Variants in PJA2 observed in about 807,000 individuals in gnomAD.
PJA2 encodes the protein E3 ubiquitin-protein ligase Praja-2.
A neutral mutation model predicts 69.3 loss-of-function variants in PJA2; 25 were observed. That is an observed-to-expected ratio of 0.36 (90% CI 0.26 to 0.50). The LOEUF is 0.50. PJA2 is among the 20% of genes least tolerant of loss of function. PJA2 has a pLI of 0.96. For synonymous variants in PJA2, 308 were observed against 277.8 expected (o/e 1.11, Z -1.08); for missense variants, 809 against 830.2 (o/e 0.97, Z 0.31).
At chr5:109,350,768 C>T (rs1193549546) in intron 7 of PJA2, among the ~76,000 whole-genome samples, 2 of 152,146 alleles carry the variant, frequency 1.3e-5, no homozygotes, top group African/African-American at 4.8e-5. Context: ...ACCTTCTAAA[C>T]CTCCACATTA....
chr5:109,371,561 C>G (rs1378385604), intron 4 of PJA2, among the ~76,000 whole-genome samples: 1 of 152,116 alleles, frequency 6.6e-6, no homozygotes, highest in Non-Finnish European at 1.5e-5. Flanking sequence ...TGCTTTTCTC[C>G]AAATTAGACC....
intron 1 of PJA2, among the ~76,000 whole-genome samples, chr5:109,406,122 C>A (rs571088159): frequency 1.3e-5 from 2 of 149,226 alleles, no homozygotes; most frequent in South Asian, 2.1e-4. Flanking sequence ...TGGCTCACTG[C>A]GAGCTCCACC....
At chr5:109,348,211 T>C (rs1465842933) in intron 7 of PJA2, among the ~76,000 whole-genome samples, 1 of 152,198 alleles carries the variant, frequency 6.6e-6, no homozygotes, top group Middle Eastern at 3.2e-3. Context: ...AAAATCGTGA[T>C]GTGAGATGGA....
At chr5:109,352,168 C>G (rs761429430) in intron 7 of PJA2, among the ~76,000 whole-genome samples, 3 of 152,170 alleles carry the variant, frequency 2.0e-5, no homozygotes, top group Non-Finnish European at 4.4e-5. Context: ...ATGTTTGAGA[C>G]TGCAAGCTCT....
At chr5:109,403,013 T>C (rs1164357957) in intron 1 of PJA2, among the ~76,000 whole-genome samples, 2 of 151,018 alleles carry the variant, frequency 1.3e-5, no homozygotes, top group Admixed American at 6.6e-5. Context: ...ACCCAAAGCA[T>C]ATAGAAAGAA....
Position 109,353,554 on chromosome 5 carries a change from T to TA in PJA2, c.1764+2360_1764+2361insT, listed in dbSNP as rs1184975175. 3.7e-3 allele frequency among the ~76,000 whole-genome samples: 531 copies of TA among 143,124 alleles called. 16 individuals are homozygous for TA. The highest frequency in any genetic ancestry group is 0.013 in the African/African-American group (507 of 39,560). The allele number at this position is 143,124 out of a possible 152,430, so 93.9% of individuals were successfully genotyped here. On this transcript the variant is annotated intron_variant, in intron 7 of 9. Coordinates refer to ENST00000361189, the MANE Select transcript of PJA2 (RefSeq NM_014819.5). Reference sequence around the variant, plus strand: ...CTATAATATCATAGATATCTATATATTAGATATCTATAATATCATAGACAT... The same window carrying TA: ...CTATAATATCATAGATATCTATATATATAGATATCTATAATATCATAGACAT...
chr5:109,354,123 G>GAT (rs1426483435), intron 7 of PJA2, among the ~76,000 whole-genome samples: 2 of 44,424 alleles, frequency 4.5e-5, no homozygotes, highest in Non-Finnish European at 1.6e-4. Context: ...AGATATCTAT[G>GAT]GTATCTAGAG....
At chr5:109,389,589 A>G (rs1367232858) in intron 1 of PJA2, among the ~76,000 whole-genome samples, 1 of 151,900 alleles carries the variant, frequency 6.6e-6, no homozygotes, top group Non-Finnish European at 1.5e-5. Flanking sequence ...TAACTAACTG[A>G]CTGTAAAACT....
rs1446721825 is a variant in PJA2 at position 109,383,033 on chromosome 5, G to A, written c.31+370C>T. On this transcript the variant is annotated intron_variant, in intron 2 of 9. Coordinates refer to ENST00000361189, the MANE Select transcript of PJA2 (RefSeq NM_014819.5). ...CTTATTTAATCCCATCAGTAATCTTGAGGTGGATATTGTATTCTATTTTAA... is the reference window on the plus strand; with the variant it reads ...CTTATTTAATCCCATCAGTAATCTTAAGGTGGATATTGTATTCTATTTTAA... 1.3e-5 allele frequency among the ~76,000 whole-genome samples: 2 copies of A among 152,042 alleles called. 1 individual carries two copies. Among genetic ancestry groups the A allele is most frequent in the East Asian group, 3.9e-4 (2 of 5,188 alleles).
At chr5:109,343,296 AG>A (rs370455294) in intron 9 of PJA2, among the ~76,000 whole-genome samples, 1,186 of 52,710 alleles carry the variant, frequency 0.023, 32 homozygotes, top group Non-Finnish European at 0.042. Flanking sequence ...AAAAAAAGAA[AG>A]AAAGAAAGAA....
intron 6 of PJA2, among the ~76,000 whole-genome samples, chr5:109,359,441 G>T (rs1212768499): frequency 1.3e-5 from 2 of 152,138 alleles, no homozygotes; most frequent in African/African-American, 4.8e-5. Context: ...AAATCTGAAA[G>T]ATAACACCAT....
chr5:109,360,580 C>T (rs1762489662), intron 6 of PJA2, among the ~76,000 whole-genome samples: 2 of 152,124 alleles, frequency 1.3e-5, no homozygotes, highest in South Asian at 4.1e-4. Context: ...CCTTATCAAC[C>T]TTTAGACGCT....
chr5:109,353,568 TATC>T lies in PJA2; in HGVS notation c.1764+2344_1764+2346del, dbSNP rs759015421. Among the ~76,000 whole-genome samples, 369 of 144,174 alleles carry T rather than the reference TATC, an allele frequency of 2.6e-3. 1 individual carries two copies. Among genetic ancestry groups the T allele is most frequent in the East Asian group, 0.017 (81 of 4,760 alleles). The allele number at this position is 144,174 out of a possible 152,430, so 94.6% of individuals were successfully genotyped here. On this transcript the variant is annotated intron_variant, in intron 7 of 9. Coordinates refer to ENST00000361189, the MANE Select transcript of PJA2 (RefSeq NM_014819.5). ...ATATCTATATATTAGATATCTATAA[TATC>T]ATAGACATCTATATATTAGATATCT...
rs758777374 is a variant in PJA2, at chr5:109,355,945, T to A, written c.1734A>T (p.Ala578=). The A allele has an allele frequency of 6.2e-7, 1 of 1,613,602 alleles. No individual in the cohort carries two copies. ...YVDPQFLTYM[A]LEERLAQAME... is the part of the protein sequence containing the mutation. ...TAGCCTGGGCTAAGCGTTCTTCTAG[T>A]GCCATGTAGGTAAGGAACTGAGGAT... The change falls in exon 7 of 10, where the codon GCA becomes GCT. Residue 578 remains alanine, a synonymous_variant. Transcript: ENST00000361189.
At position 109,380,178 on chromosome 5, in the gene PJA2, C is replaced by T. The variant is rs190676734; in HGVS notation, c.233-924G>A. 7.6e-3 allele frequency among the ~76,000 whole-genome samples: 1,129 copies of T among 148,124 alleles called. 5 individuals carry two copies. Among genetic ancestry groups the T allele is most frequent in the Middle Eastern group, 0.028 (8 of 286 alleles). On this transcript the variant is annotated intron_variant, in intron 3 of 9. Coordinates refer to ENST00000361189, the MANE Select transcript of PJA2 (RefSeq NM_014819.5). ...GCATGATCTCGGCTCACTGCAAGCT[C>T]CGCCTCCCAGGTTCACACCATTCTC...
chr5:109,372,481 G>C (rs371950865), intron 4 of PJA2, among the ~76,000 whole-genome samples: 1 of 152,006 alleles, frequency 6.6e-6, no homozygotes, highest in African/African-American at 2.4e-5. Flanking sequence ...TGTTTACTCA[G>C]TGCAGCTCAC....
Position 109,354,468 on chromosome 5 carries a change from G to A in PJA2, c.1764+1447C>T, listed in dbSNP as rs889751432. On this transcript the variant is annotated intron_variant, in intron 7 of 9. Coordinates refer to ENST00000361189, the MANE Select transcript of PJA2 (RefSeq NM_014819.5). Reference sequence around the variant, plus strand: ...ATAGATTAGATATCTATGATATCTAGAGATATCTATAGATTAGATATCTAT... The same window carrying A: ...ATAGATTAGATATCTATGATATCTAAAGATATCTATAGATTAGATATCTAT... Among the ~76,000 whole-genome samples the A allele has an allele frequency of 1.7e-4, 17 of 98,802 alleles. 1 individual carries two copies. The highest frequency in any genetic ancestry group is 5.9e-4 in the African/African-American group (17 of 28,716). The allele number at this position is 98,802 out of a possible 152,430, so 64.8% of individuals were successfully genotyped here.
intron 4 of PJA2, among the ~76,000 whole-genome samples, chr5:109,370,469 A>G (rs1355709155): frequency 6.6e-6 from 1 of 152,190 alleles, no homozygotes; most frequent in East Asian, 1.9e-4. Context: ...AAAGATATAA[A>G]ATCAACTGCC....
chr5:109,355,218 T>C (rs1762394463), intron 7 of PJA2, among the ~76,000 whole-genome samples: 1 of 152,234 alleles, frequency 6.6e-6, no homozygotes, highest in Non-Finnish European at 1.5e-5. Flanking sequence ...GCCAATTTTT[T>C]GTTCTCTCAC....
Sources: allele counts gnomAD v4.1 joint callset (sites outside exome capture counted in the v4.1 genomes callset), GRCh38; gene constraint gnomAD v4.1.1; transcripts MANE v1.5; gene names NCBI Gene and HGNC (gene_info 2026-07-23, HGNC 2026-07-21).